Variants in SREBF2 observed in about 807,000 individuals in gnomAD.
The protein encoded by SREBF2 is sterol regulatory element binding transcription factor 2.
SREBF2 carries 55 observed loss-of-function variants against 113.1 expected under a neutral mutation model. The ratio of observed to expected loss-of-function variants is 0.49; its 90% confidence interval spans 0.39 to 0.61. The LOEUF is 0.61. SREBF2 is among the 20% of genes least tolerant of loss of function. SREBF2 has a pLI of 0.00. For synonymous variants in SREBF2, 593 were observed against 605.7 expected, an observed-to-expected ratio of 0.98 and a Z score of 0.31; for missense variants, 1,349 against 1,487.4, an observed-to-expected ratio of 0.91 and a Z score of 1.53.
intron 1 of SREBF2, among the ~76,000 whole-genome samples, chr22:41,849,007 A>T (rs1352253319): frequency 6.6e-6 from 1 of 151,980 alleles, no homozygotes; most frequent in Non-Finnish European, 1.5e-5. Flanking sequence ...ATTTTCCAGT[A>T]AAAAAAATCA....
Position 41,905,739 on chromosome 22 carries a change from G to A in SREBF2, c.*79G>A. ...TCAGCATCTTCCCGCTGAGAGTGGTGGGGAAGAGCCTTGTCTTCTTAGCTG... is the reference window on the plus strand; with the variant it reads ...TCAGCATCTTCCCGCTGAGAGTGGTAGGGAAGAGCCTTGTCTTCTTAGCTG... On this transcript the variant is annotated 3_prime_UTR_variant, in exon 19 of 19. Transcript: ENST00000361204. 7 of 1,453,140 alleles carry A rather than the reference G, an allele frequency of 4.8e-6. No individual in the cohort carries two copies. The highest frequency in any genetic ancestry group is 1.2e-5 in the South Asian group (1 of 81,680). The allele number at this position is 1,453,140 out of a possible 1,614,324, so 90.0% of individuals were successfully genotyped here.
At chr22:41,895,166 G>A (rs1362931282) in intron 13 of SREBF2, among the ~76,000 whole-genome samples, 1 of 149,664 alleles carries the variant, frequency 6.7e-6, no homozygotes, top group African/African-American at 2.5e-5. Context: ...TGGAGACGGA[G>A]TCTCGCTCTG....
rs149832406 is a variant in SREBF2, at chr22:41,878,131, C to T, written c.1761+8C>T. On this transcript the variant is annotated splice_region_variant and intron_variant, in intron 9 of 18. Coordinates refer to ENST00000361204, the MANE Select transcript of SREBF2 (RefSeq NM_004599.4). ...GATCTGGATCTCGCCAGAGTGAGTTCTGTGTCCGCCCTTCCCCATCCTCCC... is the reference window on the plus strand; with the variant it reads ...GATCTGGATCTCGCCAGAGTGAGTTTTGTGTCCGCCCTTCCCCATCCTCCC... The T allele has an allele frequency of 1.2e-6, 2 of 1,613,618 alleles. No individual in the cohort carries two copies. Among genetic ancestry groups the T allele is most frequent in the African/African-American group, 1.3e-5 (1 of 74,914 alleles).
intron 17 of SREBF2, chr22:41,904,543 C>A (rs1161039920): frequency 1.8e-6 from 1 of 568,170 alleles, no homozygotes; most frequent in East Asian, 4.2e-5. Flanking sequence ...AGGCAGCCTC[C>A]AGGGCCTTGG....
chr22:41,905,100 G>A, intron 18 of SREBF2, 126 bp downstream of exon 18: 1 of 962,552 alleles, frequency 1.0e-6, no homozygotes, highest in Non-Finnish European at 1.5e-6. Context: ...GCCTCTCTGA[G>A]AATGAAAGAA....
chr22:41,833,484 C>A lies in SREBF2; in HGVS notation c.88+126C>A. ...TCGCGCGGGAAGAACCCCGTGCGCA[C>A]GGTGCCCCCGGCGGTCCTCAACCCT... is the stretch of plus-strand genomic sequence containing the variant. On this transcript the variant is annotated intron_variant, in intron 1 of 18. Transcript: ENST00000361204. This position sits in a 1 kb window ranked among gnomAD's most constrained non-coding sequence, Gnocchi z 4.1. 2.7e-6 allele frequency: 2 copies of A among 752,848 alleles called. No homozygotes were observed. Among genetic ancestry groups the A allele is most frequent in the Non-Finnish European group, 2.0e-6 (1 of 488,748 alleles). 46.6% of individuals were successfully genotyped at this position (752,848 alleles called of 1,614,324 possible). A position where few individuals can be genotyped will look rare whatever the true frequency, so the allele number is the denominator to read the frequency against.
intron 16 of SREBF2, among the ~76,000 whole-genome samples, chr22:41,902,320 TCTC>T (rs1478517490): frequency 6.6e-6 from 1 of 152,188 alleles, no homozygotes; most frequent in African/African-American, 2.4e-5. Context: ...TGCAGTACCT[TCTC>T]ATATGATACA....
rs1004366146 is a variant in SREBF2, at chr22:41,906,062, T to G, written c.*402T>G. ...CAGTCTCTGAGCACCAGGGAGCAGT[T>G]GCCCTCAGGCCTGTGCCCAGCATGC... On this transcript the variant is annotated 3_prime_UTR_variant, in exon 19 of 19. Coordinates refer to ENST00000361204, the MANE Select transcript of SREBF2 (RefSeq NM_004599.4). 2.1e-6 allele frequency: 1 copy of G among 468,712 alleles called. No homozygotes were observed. Among genetic ancestry groups the G allele is most frequent in the East Asian group, 6.6e-5 (1 of 15,212 alleles). 29.0% of individuals were successfully genotyped at this position (468,712 alleles called of 1,614,324 possible).
intron 11 of SREBF2, chr22:41,886,367 C>T (rs908579772): frequency 4.6e-5 from 7 of 152,176 alleles, no homozygotes; most frequent in Admixed American, 3.9e-4. Context: ...GAAGGTGAAT[C>T]TAGGCTGACA....
chr22:41,864,913 A>G (rs1185512211), intron 1 of SREBF2, among the ~76,000 whole-genome samples: 1 of 152,082 alleles, frequency 6.6e-6, no homozygotes, highest in Non-Finnish European at 1.5e-5. Flanking sequence ...AAATTGCAAC[A>G]CTGCACTCCA....
In SREBF2 at chr22:41,844,065, C is replaced by CAT. The variant is rs369136150; in HGVS notation, c.88+10707_88+10708insAT. On this transcript the variant is annotated intron_variant, in intron 1 of 18. Transcript: ENST00000361204. ...ACACACACACACACACACACACACACGTATATGTATATATATTTTTTAAAT... is the reference window on the plus strand; with the variant it reads ...ACACACACACACACACACACACACACATGTATATGTATATATATTTTTTAAAT... Among the ~76,000 whole-genome samples, 442 of 146,106 alleles carry CAT rather than the reference C, an allele frequency of 3.0e-3. 4 individuals are homozygous for CAT. Among genetic ancestry groups the CAT allele is most frequent in the African/African-American group, 5.8e-3 (227 of 39,266 alleles).
Position 41,868,793 on chromosome 22 carries a change from G to A in SREBF2, c.720+1G>A. ...TGCGCCACAGGTGCAGCAGGTCCCG[G>A]TAAGTGGCTGGAAAGGATTCAGGGA... is the stretch of plus-strand genomic sequence containing the variant. On this transcript the variant is annotated splice_donor_variant, in intron 3 of 18. Coordinates refer to ENST00000361204, the MANE Select transcript of SREBF2 (RefSeq NM_004599.4). LOFTEE classifies it high-confidence loss of function. The A allele has an allele frequency of 6.2e-7, 1 of 1,606,346 alleles. No individual in the cohort carries two copies. Among genetic ancestry groups the A allele is most frequent in the Non-Finnish European group, 8.5e-7 (1 of 1,176,516 alleles).
intron 15 of SREBF2, chr22:41,898,994 G>C (rs764430082): frequency 2.4e-5 from 17 of 721,186 alleles, no homozygotes; most frequent in Non-Finnish European, 3.9e-5. Flanking sequence ...TGCACAACAC[G>C]ACAGTTGTCC....
chr22:41,895,669 C>T (rs1439150276), intron 13 of SREBF2, among the ~76,000 whole-genome samples: 7 of 151,924 alleles, frequency 4.6e-5, no homozygotes, highest in East Asian at 1.9e-4. Flanking sequence ...CTCCTGATCT[C>T]GGGCAATCCG....
At chr22:41,844,410 T>C (rs1453316957) in intron 1 of SREBF2, among the ~76,000 whole-genome samples, 3 of 152,168 alleles carry the variant, frequency 2.0e-5, no homozygotes, top group Non-Finnish European at 2.9e-5. Flanking sequence ...GGTGTGGTAG[T>C]GGGACACAGA....
At position 41,877,306 on chromosome 22, in the gene SREBF2, C is replaced by T. The variant is rs1341198683; in HGVS notation, c.1464C>T (p.Thr488=). The T allele has an allele frequency of 6.2e-7, 1 of 1,614,204 alleles. No individual in the cohort carries two copies. Among genetic ancestry groups the T allele is most frequent in the Non-Finnish European group, 8.5e-7 (1 of 1,180,046 alleles). Residue 488 remains threonine, a synonymous_variant, in exon 8 of 19, where the codon ACC becomes ACT. Transcript: ENST00000361204. ...DRSRILLCVL[T]FLCLSFNPLT... is the part of the protein sequence containing the mutation. Reference sequence around the variant, plus strand: ...CACGGATTCTTCTGTGTGTCCTCACCTTCCTGTGCCTCTCCTTTAACCCCC... The same window carrying T: ...CACGGATTCTTCTGTGTGTCCTCACTTTCCTGTGCCTCTCCTTTAACCCCC...
chr22:41,867,421 G>T, intron 2 of SREBF2, 141 bp downstream of exon 2: 1 of 899,744 alleles, frequency 1.1e-6, no homozygotes. Context: ...TCTGGTAACT[G>T]GCAATAAGAA....
intron 11 of SREBF2, among the ~76,000 whole-genome samples, chr22:41,889,741 C>G (rs1268752261): frequency 6.6e-6 from 1 of 150,434 alleles, no homozygotes; most frequent in Non-Finnish European, 1.5e-5. Flanking sequence ...TGGCTCATAC[C>G]TGTAATCCCA....
intron 1 of SREBF2, among the ~76,000 whole-genome samples, chr22:41,836,257 C>G (rs1379015105): frequency 6.6e-6 from 1 of 152,264 alleles, no homozygotes; most frequent in Non-Finnish European, 1.5e-5. Flanking sequence ...TATTCAAGTG[C>G]TGGCTGTGGT....
Sources: allele counts gnomAD v4.1 joint callset (sites outside exome capture counted in the v4.1 genomes callset), GRCh38; gene constraint gnomAD v4.1.1; non-coding constraint Gnocchi (gnomAD v3.1); transcripts MANE v1.5; gene names NCBI Gene and HGNC (gene_info 2026-07-23, HGNC 2026-07-21).